Variants in MATN2 observed in about 807,000 individuals in gnomAD.
The protein encoded by MATN2 is matrilin 2.
Under a neutral mutation model 103.2 loss-of-function variants are expected in MATN2, and 69 were observed. The ratio of observed to expected loss-of-function variants is 0.67; its 90% CI spans 0.55 to 0.82. The LOEUF is 0.82. Among genes scored for constraint, MATN2 ranks in the 40% least tolerant of loss-of-function variants. MATN2 has a pLI of 0.00. For synonymous variants in MATN2, 429 were observed against 450.2 expected (o/e 0.95, Z 0.60); for missense variants, 1,023 against 1,211.5 (o/e 0.84, Z 2.31).
At chr8:97,906,836 T>C (rs1282523698) in intron 2 of MATN2, among the ~76,000 whole-genome samples, 1 of 152,106 alleles carries the variant, frequency 6.6e-6, no homozygotes, top group African/African-American at 2.4e-5. Flanking sequence ...AGAATAGGTG[T>C]CTTGATCTCT....
At chr8:97,958,975 C>T (rs1418714859) in intron 4 of MATN2, among the ~76,000 whole-genome samples, 8 of 152,190 alleles carry the variant, frequency 5.3e-5, no homozygotes, top group African/African-American at 7.2e-5. Flanking sequence ...TTTACTCACG[C>T]GTCCCAAGCC....
intron 2 of MATN2, among the ~76,000 whole-genome samples, chr8:97,896,216 C>T (rs1357578400): frequency 2.0e-5 from 3 of 152,190 alleles, no homozygotes; most frequent in Non-Finnish European, 4.4e-5. Flanking sequence ...TCTTGATTAA[C>T]CTTCTTAGCA....
rs561473959 is a variant in MATN2 at position 97,892,409 on chromosome 8, C to A, written c.142+4167C>A. Among the ~76,000 whole-genome samples, 223 of 93,120 alleles carry A rather than the reference C, an allele frequency of 2.4e-3. 2 individuals carry two copies. The highest frequency in any genetic ancestry group is 3.7e-3 in the Non-Finnish European group (180 of 49,090). The allele number at this position is 93,120 out of a possible 152,430, so 61.1% of individuals were successfully genotyped here. ...CCAGCCTGGGTGACAGAGTGAGACC[C>A]TGTCTCAAAAAAAAAAAAAAAAAAA... On this transcript the variant is annotated intron_variant, in intron 2 of 18. Transcript: ENST00000254898.
intron 2 of MATN2, among the ~76,000 whole-genome samples, chr8:97,902,718 A>T (rs1434379602): frequency 6.6e-6 from 1 of 151,936 alleles, no homozygotes; most frequent in Non-Finnish European, 1.5e-5. Context: ...CAAAGCACCC[A>T]TCCCTTGCCT....
intron 18 of MATN2, among the ~76,000 whole-genome samples, chr8:98,035,441 T>A (rs182584057): frequency 0.013 from 1,883 of 143,084 alleles, 26 homozygotes; most frequent in African/African-American, 0.041. Context: ...TTGCTGATGT[T>A]AAAAAAAAAA....
rs2444892 is a variant in MATN2, at chr8:98,005,168, C to T, written c.1327+1385C>T. 0.75 allele frequency among the ~76,000 whole-genome samples: 113,377 copies of T among 152,170 alleles called. 42,937 individuals carry two copies. The highest frequency in any genetic ancestry group is 0.83 in the African/African-American group (34,473 of 41,530). ...AGTCCTCAGGAAAGCGTGGCTCCTC[C>T]AGTGTCCAGAGAGAACAAAGTGCCC... is the stretch of plus-strand genomic sequence containing the variant. On this transcript the variant is annotated intron_variant, in intron 8 of 18. Transcript: ENST00000254898. This position sits in a 1 kb window ranked among gnomAD's most constrained non-coding sequence, Gnocchi z 4.6.
chr8:97,980,558 C>CTTTTTTTT (rs71570278), intron 6 of MATN2, among the ~76,000 whole-genome samples: 12 of 94,092 alleles, frequency 1.3e-4, no homozygotes, highest in East Asian at 3.2e-4. Context: ...TTATTCTTTC[C>CTTTTTTTT]TTTTTTTTTT....
chr8:98,031,089 C>G (rs1408317220), intron 15 of MATN2, among the ~76,000 whole-genome samples: 2 of 152,138 alleles, frequency 1.3e-5, no homozygotes, highest in Non-Finnish European at 2.9e-5. Flanking sequence ...GTAACCCAAC[C>G]ATTTTGGGAG....
At chr8:97,878,769 T>G (rs1818160295) in intron 1 of MATN2, among the ~76,000 whole-genome samples, 1 of 151,854 alleles carries the variant, frequency 6.6e-6, no homozygotes, top group African/African-American at 2.4e-5. Context: ...GAGAGTCACT[T>G]GAATCTAGGA....
At chr8:97,940,379 A>G (rs1441681729) in intron 3 of MATN2, among the ~76,000 whole-genome samples, 1 of 152,274 alleles carries the variant, frequency 6.6e-6, no homozygotes, top group African/African-American at 2.4e-5. Context: ...CCCTGAAGTA[A>G]AAATGACTGA....
At chr8:97,930,083 G>T (rs1531036) in intron 2 of MATN2, among the ~76,000 whole-genome samples, 4 of 151,992 alleles carry the variant, frequency 2.6e-5, no homozygotes, top group Non-Finnish European at 5.9e-5. Flanking sequence ...TGATCCACTC[G>T]ATGTGCTCCT....
chr8:98,004,750 A>G (rs2130382656), intron 8 of MATN2, among the ~76,000 whole-genome samples: 1 of 152,272 alleles, frequency 6.6e-6, no homozygotes, highest in South Asian at 2.1e-4. Context: ...GAAACATGGG[A>G]TTTTCTGAGA....
intron 10 of MATN2, among the ~76,000 whole-genome samples, chr8:98,012,011 G>A (rs1256461824): frequency 6.6e-6 from 1 of 152,168 alleles, no homozygotes; most frequent in African/African-American, 2.4e-5. Flanking sequence ...TGTAAAAGGA[G>A]GAGAATCCTT....
intron 5 of MATN2, among the ~76,000 whole-genome samples, chr8:97,962,384 C>A (rs143532879): frequency 1.3e-5 from 2 of 152,268 alleles, no homozygotes; most frequent in East Asian, 3.9e-4. Flanking sequence ...TATATTTTTG[C>A]ACATAGAATT....
At chr8:97,912,813 A>G (rs187397400) in intron 2 of MATN2, among the ~76,000 whole-genome samples, 3 of 152,312 alleles carry the variant, frequency 2.0e-5, no homozygotes, top group East Asian at 3.9e-4. Flanking sequence ...GGCATCAAAG[A>G]GGCCAAGATG....
At chr8:97,892,077 A>C (rs1161825432) in intron 2 of MATN2, among the ~76,000 whole-genome samples, 1 of 152,038 alleles carries the variant, frequency 6.6e-6, no homozygotes, top group African/African-American at 2.4e-5. Flanking sequence ...TCTCTACTAA[A>C]AATACAAAAA....
chr8:97,874,520 T>C (rs905890747), intron 1 of MATN2, among the ~76,000 whole-genome samples: 1 of 151,922 alleles, frequency 6.6e-6, no homozygotes, highest in South Asian at 2.1e-4. Flanking sequence ...ACCCTCTTAT[T>C]TAGGCTCCCA....
rs1812073684 is a variant in MATN2 at position 97,982,924 on chromosome 8, TC to T, written c.1081+3918del. On this transcript the variant is annotated intron_variant, in intron 6 of 18. Transcript: ENST00000254898. The surrounding 1 kb of genome is among the most constrained non-coding windows in gnomAD (Gnocchi z 4.3). ...TCCTAGCCTGTCTCCTTCCTGCCTCTCCAGACCACACCCCCTGGCTGGGGTC... is the reference window on the plus strand; with the variant it reads ...TCCTAGCCTGTCTCCTTCCTGCCTCTCAGACCACACCCCCTGGCTGGGGTC... 6.6e-6 allele frequency among the ~76,000 whole-genome samples: 1 copy of T among 152,202 alleles called. No individual in the cohort carries two copies. The highest frequency in any genetic ancestry group is 2.4e-5 in the African/African-American group (1 of 41,454).
intron 1 of MATN2, among the ~76,000 whole-genome samples, chr8:97,870,234 G>A (rs774164694): frequency 1.8e-4 from 28 of 152,130 alleles, no homozygotes; most frequent in Admixed American, 3.3e-4. Flanking sequence ...AATGAGATAT[G>A]GCGGCCGGGC....
Sources: gnomAD v4.1 joint callset for allele counts (sites outside exome capture counted in the v4.1 genomes callset) on GRCh38, gnomAD v4.1.1 for gene constraint, Gnocchi (gnomAD v3.1) non-coding constraint, MANE v1.5 for transcripts, NCBI Gene and HGNC (gene_info 2026-07-23, HGNC 2026-07-21) for gene names.